Variants in UMODL1 observed in about 807,000 individuals in gnomAD.
The protein encoded by UMODL1 is uromodulin like 1, also known as uromodulin-like 1.
In UMODL1, 128 loss-of-function variants were observed where a neutral mutation model predicts 136.3. The ratio of observed to expected loss-of-function variants is 0.94; its 90% CI spans 0.81 to 1.09. UMODL1 has a LOEUF of 1.09. UMODL1 is among the 50% of genes least tolerant of loss of function. The probability of loss-of-function intolerance (pLI) is 0.00; values close to 1 mark genes in which losing one functional copy is unlikely to be tolerated. For missense variants in UMODL1, 1,766 were observed against 1,725.6 expected (o/e 1.02, Z -0.41); for synonymous variants, 721 against 720.0 (o/e 1.00, Z -0.02).
chr21:42,088,146 G>A, intron 4 of UMODL1, 148 bp from the exon 5 acceptor site: 2 of 743,958 alleles, frequency 2.7e-6, no homozygotes, highest in Non-Finnish European at 4.2e-6. Flanking sequence ...GATAGTGATG[G>A]ATAGATAAGT....
Position 42,075,247 on chromosome 21 carries a change from G to A in UMODL1, c.77-758G>A, listed in dbSNP as rs559663998. Among the ~76,000 whole-genome samples the A allele has an allele frequency of 1.3e-4, 20 of 152,030 alleles. 1 individual carries two copies. Among genetic ancestry groups the A allele is most frequent in the South Asian group, 4.2e-4 (2 of 4,800 alleles). The stretch of plus-strand genomic sequence containing the variant: ...AAAATATTTTTGCTGGAGATGGGGG[G>A]GGGGTTTCACCATGTTGGCCGGGCT... On this transcript the variant is annotated intron_variant, in intron 1 of 22. Coordinates refer to ENST00000408910, the MANE Select transcript of UMODL1 (RefSeq NM_001004416.3).
At chr21:42,108,642 C>T (rs912184120) in intron 9 of UMODL1, 2 of 325,022 alleles carry the variant, frequency 6.2e-6, no homozygotes, top group South Asian at 2.5e-5. Context: ...TACAGAAGCA[C>T]GCGCAGAAGG....
rs764812952 is a variant in UMODL1, at chr21:42,090,349, T to C, written c.842T>C (p.Leu281Pro). ...EELNACSGRE[L>P]CANLEGSYWC... is the part of the protein sequence containing the mutation. ...CTCAATGCCTGCTCTGGAAGGGAACTGTGCGCAAACCTGGAGGGCTCGTAC... is the reference window on the plus strand; with the variant it reads ...CTCAATGCCTGCTCTGGAAGGGAACCGTGCGCAAACCTGGAGGGCTCGTAC... The change falls in exon 6 of 23, where the codon CTG (leucine) becomes CCG (proline). Residue 281 changes from leucine to proline, a missense_variant. Physicochemically the swap from Leu to Pro is moderately conservative, Grantham distance 98. Transcript: ENST00000408910. 22 of 1,614,076 alleles carry C rather than the reference T, an allele frequency of 1.4e-5. No homozygotes were observed. Among genetic ancestry groups the C allele is most frequent in the Non-Finnish European group, 1.9e-5 (22 of 1,180,036 alleles).
chr21:42,112,554 G>A (rs747620220), intron 12 of UMODL1, among the ~76,000 whole-genome samples: 7 of 149,930 alleles, frequency 4.7e-5, no homozygotes, highest in Non-Finnish European at 8.9e-5. Flanking sequence ...ACCCCCAGCT[G>A]TTCTGTACCC....
intron 14 of UMODL1, 46 bp downstream of exon 14, chr21:42,116,031 G>A (rs765472000): frequency 1.3e-6 from 2 of 1,502,146 alleles, no homozygotes; most frequent in East Asian, 2.3e-5. Flanking sequence ...GAGGGAAAGG[G>A]TGGAAGGCTG....
chr21:42,122,963 G>A lies in UMODL1; in HGVS notation c.2960G>A (p.Gly987Glu). The part of the protein sequence containing the change: ...QGLPQRLNLT[G>E]AVRVLCEIEK... ...CTGCCCCAGCGGCTGAACCTGACCG[G>A]AGCAGTCAGGGTGCTCTGTGAGATC... The change falls in exon 17 of 23, where the codon GGA becomes GAA. Residue 987 changes from glycine to glutamate, a missense_variant. Coordinates refer to ENST00000408910, the MANE Select transcript of UMODL1 (RefSeq NM_001004416.3). This position sits in a 1 kb window ranked among gnomAD's most constrained non-coding sequence, Gnocchi z 4.3. 6.2e-7 allele frequency: 1 copy of A among 1,614,036 alleles called. No individual in the cohort carries two copies. The highest frequency in any genetic ancestry group is 8.5e-7 in the Non-Finnish European group (1 of 1,180,034).
Position 42,111,570 on chromosome 21 carries a change from A to G in UMODL1, c.1964A>G (p.His655Arg). Residue 655 changes from histidine (H) to arginine (R), a missense_variant, in exon 12 of 23, where the codon CAC becomes CGC. Coordinates refer to ENST00000408910, the MANE Select transcript of UMODL1 (RefSeq NM_001004416.3). ...WPSPTEDPTG[H>R]FLWHATRSTR... Reference sequence around the variant, plus strand: ...TCCCCTACTGAGGACCCCACCGGCCACTTCCTGTGGCATGCCACCCGTTCC... The same window carrying G: ...TCCCCTACTGAGGACCCCACCGGCCGCTTCCTGTGGCATGCCACCCGTTCC... The G allele has an allele frequency of 6.2e-7, 1 of 1,614,056 alleles. No homozygotes were observed. Among genetic ancestry groups the G allele is most frequent in the Non-Finnish European group, 8.5e-7 (1 of 1,179,970 alleles).
chr21:42,098,692 G>A (rs1251671298), intron 6 of UMODL1, among the ~76,000 whole-genome samples: 4 of 152,094 alleles, frequency 2.6e-5, no homozygotes, highest in Admixed American at 6.6e-5. Context: ...GCTTGAACCC[G>A]GGAGGCAGAG....
intron 21 of UMODL1, among the ~76,000 whole-genome samples, chr21:42,134,982 A>T (rs1296849488): frequency 6.6e-6 from 1 of 152,188 alleles, no homozygotes; most frequent in Non-Finnish European, 1.5e-5. Context: ...GTTGTTACAT[A>T]GGTGTACATG....
At chr21:42,086,499 C>T (rs760862921) in intron 4 of UMODL1, 12 of 455,282 alleles carry the variant, frequency 2.6e-5, no homozygotes, top group African/African-American at 1.0e-4. Context: ...CTTAACAGCC[C>T]GGGCTAGGAG....
chr21:42,121,151 C>A lies in UMODL1; in HGVS notation c.2754C>A (p.Leu918=), dbSNP rs200700743. The part of the protein sequence containing the change: ...CVPGTSCRNT[L]GSFTCSCEGG... The stretch of plus-strand genomic sequence containing the variant: ...CGGGGACATCCTGTCGAAACACCCT[C>A]GGGTCTTTCACTTGTAGCTGCGAGG... Residue 918 remains leucine (L), a synonymous_variant, in exon 16 of 23, where the codon CTC becomes CTA. Coordinates refer to ENST00000408910, the MANE Select transcript of UMODL1 (RefSeq NM_001004416.3). The A allele has an allele frequency of 1.4e-3, 2,326 of 1,614,024 alleles. 2 individuals carry two copies. The highest frequency in any genetic ancestry group is 1.8e-3 in the Non-Finnish European group (2,158 of 1,180,018).
intron 21 of UMODL1, among the ~76,000 whole-genome samples, chr21:42,135,008 C>T (rs777212333): frequency 6.6e-6 from 1 of 152,326 alleles, no homozygotes; most frequent in South Asian, 2.1e-4. Context: ...CGGTGGTTTG[C>T]TGCACCCATC....
At chr21:42,087,956 T>C (rs1474958885) in intron 4 of UMODL1, among the ~76,000 whole-genome samples, 1 of 152,228 alleles carries the variant, frequency 6.6e-6, no homozygotes, top group Non-Finnish European at 1.5e-5. Flanking sequence ...GCACCAGCCA[T>C]ATTGGATTAG....
intron 9 of UMODL1, among the ~76,000 whole-genome samples, 186 bp from the exon 10 acceptor site, chr21:42,109,376 T>C (rs1206633274): frequency 1.3e-5 from 2 of 152,150 alleles, no homozygotes; most frequent in South Asian, 2.1e-4. Context: ...AGCCAACCAA[T>C]GTGAAGGTGG....
intron 5 of UMODL1, 46 bp downstream of exon 5, chr21:42,088,526 G>A: frequency 6.5e-7 from 1 of 1,530,552 alleles, no homozygotes; most frequent in Non-Finnish European, 8.8e-7. Context: ...GCAGGGTGGT[G>A]CCTGAACAGC....
intron 14 of UMODL1, among the ~76,000 whole-genome samples, chr21:42,117,566 T>A (rs191538842): frequency 6.6e-6 from 1 of 152,162 alleles, no homozygotes; most frequent in Non-Finnish European, 1.5e-5. Flanking sequence ...GAATCTCACA[T>A]TGTAGATTTC....
chr21:42,126,288 A>G, intron 17 of UMODL1, 57 bp from the exon 18 acceptor site: 1 of 1,606,680 alleles, frequency 6.2e-7, no homozygotes, highest in Non-Finnish European at 8.5e-7. Flanking sequence ...GGCCCACAGC[A>G]GGGCGTGGGG....
At position 42,104,021 on chromosome 21, in the gene UMODL1, C is replaced by T. The variant is rs752155611; in HGVS notation, c.1453C>T (p.Pro485Ser). 16 of 1,613,974 alleles carry T rather than the reference C, an allele frequency of 9.9e-6. No homozygotes were observed. The highest frequency in any genetic ancestry group is 1.3e-5 in the Non-Finnish European group (15 of 1,180,020). Residue 485 changes from proline (P) to serine (S), a missense_variant, in exon 9 of 23, where the codon CCC (proline) becomes TCC (serine). Transcript: ENST00000408910. ...TCCCATGGGCATCTCCACGCTGGCC[C>T]CCATACTCCAGCCCCTGTTGGCAAG... ...GFPMGISTLA[P>S]ILQPLLASTV...
intron 11 of UMODL1, 27 bp downstream of exon 11, chr21:42,111,148 G>T: frequency 6.3e-7 from 1 of 1,593,104 alleles, no homozygotes; most frequent in Non-Finnish European, 8.5e-7. Context: ...CGGGTCTGGG[G>T]ATGGACCAGG....
Sources: allele counts gnomAD v4.1 joint callset (sites outside exome capture counted in the v4.1 genomes callset), GRCh38; gene constraint gnomAD v4.1.1; non-coding constraint Gnocchi (gnomAD v3.1); transcripts MANE v1.5; gene names NCBI Gene and HGNC (gene_info 2026-07-23, HGNC 2026-07-21).